Variants in ACAD11 observed in about 807,000 individuals in gnomAD.
ACAD11 encodes acyl-CoA dehydrogenase family member 11.
In ACAD11, 83 loss-of-function variants were observed where a neutral mutation model predicts 102.2. The ratio of observed to expected loss-of-function variants is 0.81; its 90% CI spans 0.68 to 0.97. The LOEUF is 0.97. Among genes scored for constraint, ACAD11 ranks in the 50% least tolerant of loss-of-function variants. ACAD11 has a pLI of 0.00. For missense variants in ACAD11, 901 were observed against 951.7 expected, an observed-to-expected ratio of 0.95 and a Z score of 0.70; for synonymous variants, 324 against 319.8, an observed-to-expected ratio of 1.01 and a Z score of -0.14.
chr3:132,602,559 T>A (rs535880535), intron 13 of ACAD11, among the ~76,000 whole-genome samples: 19 of 152,300 alleles, frequency 1.2e-4, no homozygotes, highest in East Asian at 3.9e-4. Flanking sequence ...TTATCTTTTT[T>A]AAAAAAATTT....
chr3:132,635,899 C>T (rs1221549096), intron 5 of ACAD11, among the ~76,000 whole-genome samples: 3 of 152,006 alleles, frequency 2.0e-5, no homozygotes, highest in Admixed American at 2.0e-4. Flanking sequence ...ACTATACTAG[C>T]TAGATTTGTG....
intron 11 of ACAD11, among the ~76,000 whole-genome samples, chr3:132,610,283 T>TA (rs1939074302): frequency 6.6e-6 from 1 of 152,004 alleles, no homozygotes; most frequent in Non-Finnish European, 1.5e-5. Context: ...AGGAAAGATC[T>TA]AAAATTGACA....
At chr3:132,631,224 G>C (rs1481242282) in intron 6 of ACAD11, 117 bp downstream of exon 6, 2 of 509,914 alleles carry the variant, frequency 3.9e-6, no homozygotes, top group Non-Finnish European at 6.3e-6. Flanking sequence ...TAATAAAATA[G>C]AAATGTTTAA....
chr3:132,605,469 G>A (rs1205332865), intron 11 of ACAD11, among the ~76,000 whole-genome samples: 1 of 152,166 alleles, frequency 6.6e-6, no homozygotes, highest in East Asian at 1.9e-4. Flanking sequence ...TGGCACTAAT[G>A]ACATCTAACT....
chr3:132,584,333 T>G (rs564933564), intron 13 of ACAD11, among the ~76,000 whole-genome samples: 2 of 152,350 alleles, frequency 1.3e-5, no homozygotes, highest in East Asian at 3.9e-4. Context: ...TTGTCTCTTT[T>G]GATCTTTGTT....
intron 11 of ACAD11, among the ~76,000 whole-genome samples, chr3:132,611,581 C>CA (rs1231052018): frequency 6.6e-6 from 1 of 151,764 alleles, no homozygotes; most frequent in African/African-American, 2.4e-5. Flanking sequence ...ACACCAATAA[C>CA]AGAGAAACAG....
intron 13 of ACAD11, among the ~76,000 whole-genome samples, chr3:132,580,403 A>C (rs904718937): frequency 1.3e-5 from 2 of 152,068 alleles, no homozygotes; most frequent in African/African-American, 4.8e-5. Flanking sequence ...GAAATCTATA[A>C]GACAACTAAT....
At chr3:132,580,328 G>T (rs775345078) in intron 13 of ACAD11, among the ~76,000 whole-genome samples, 1 of 151,976 alleles carries the variant, frequency 6.6e-6, no homozygotes, top group Non-Finnish European at 1.5e-5. Flanking sequence ...GAGTTAAAAG[G>T]ATAAACTCCA....
intron 1 of ACAD11, among the ~76,000 whole-genome samples, chr3:132,655,229 C>T (rs1200716300): frequency 6.6e-6 from 1 of 152,238 alleles, no homozygotes; most frequent in Non-Finnish European, 1.5e-5. Flanking sequence ...TGCTGGAACA[C>T]TGTAATACAT....
intron 9 of ACAD11, among the ~76,000 whole-genome samples, chr3:132,625,894 C>T (rs1435681254): frequency 6.6e-6 from 1 of 152,146 alleles, no homozygotes; most frequent in East Asian, 1.9e-4. Flanking sequence ...TGAGGCCACG[C>T]AAGACCATCT....
rs570650717 is a variant in ACAD11, at chr3:132,571,760, G to T, written c.2001+4012C>A. Among the ~76,000 whole-genome samples, 4 of 152,176 alleles carry T rather than the reference G, an allele frequency of 2.6e-5. No individual in the cohort carries two copies. In the South Asian group the frequency reaches 6.2e-4, roughly 24 times the overall value. ...GGGATGTAAGGTTGGTTCAACATTTGCAAATCAATAAATCTGATTCATCAC... is the reference window on the plus strand; with the variant it reads ...GGGATGTAAGGTTGGTTCAACATTTTCAAATCAATAAATCTGATTCATCAC... On this transcript the variant is annotated intron_variant, in intron 17 of 19. Transcript: ENST00000264990.
intron 13 of ACAD11, among the ~76,000 whole-genome samples, chr3:132,583,097 A>G (rs548560479): frequency 9.9e-5 from 15 of 152,088 alleles, no homozygotes; most frequent in East Asian, 3.9e-4. Context: ...CTCTTTTTCT[A>G]TTGATTGGAA....
intron 11 of ACAD11, among the ~76,000 whole-genome samples, chr3:132,612,529 GA>G (rs901982009): frequency 6.6e-6 from 1 of 151,732 alleles, no homozygotes; most frequent in Non-Finnish European, 1.5e-5. Context: ...AAATTTACAA[GA>G]AAAAAACAAA....
chr3:132,645,036 G>C, intron 1 of ACAD11, 140 bp from the exon 2 acceptor site: 1 of 552,800 alleles, frequency 1.8e-6, no homozygotes, highest in Non-Finnish European at 3.2e-6. Context: ...GCTATCAGCA[G>C]CTCACAACAT....
intron 2 of ACAD11, 66 bp downstream of exon 2, chr3:132,644,731 G>T: frequency 4.6e-6 from 4 of 875,972 alleles, no homozygotes; most frequent in South Asian, 2.4e-5. Flanking sequence ...AAGTAAATTG[G>T]CTTTGTGTGT....
At chr3:132,640,954 T>G (rs1433417031) in intron 4 of ACAD11, among the ~76,000 whole-genome samples, 1 of 152,122 alleles carries the variant, frequency 6.6e-6, no homozygotes, top group Non-Finnish European at 1.5e-5. Flanking sequence ...TATCTTTCCT[T>G]AAATACTCAT....
At chr3:132,588,906 G>C (rs1255037186) in intron 13 of ACAD11, among the ~76,000 whole-genome samples, 7 of 152,154 alleles carry the variant, frequency 4.6e-5, no homozygotes, top group Non-Finnish European at 7.4e-5. Flanking sequence ...TAAAGAAACT[G>C]CTATGGTCTG....
intron 13 of ACAD11, among the ~76,000 whole-genome samples, chr3:132,591,243 A>G (rs552029629): frequency 1.1e-4 from 17 of 152,300 alleles, no homozygotes; most frequent in African/African-American, 3.9e-4. Context: ...TTATCCCAGC[A>G]CTATCTATAG....
Position 132,631,403 on chromosome 3 carries a change from AG to A in ACAD11, c.778del (p.Leu260CysfsTer11). 2 of 1,568,888 alleles carry A rather than the reference AG, an allele frequency of 1.3e-6. No individual in the cohort carries two copies. The highest frequency in any genetic ancestry group is 1.7e-6 in the Non-Finnish European group (2 of 1,155,196). ...AACTGTCCTTGGCCAAAAGTAGAAC[AG>A]GGAAAAATGAGCTAAGTCTGACAAA... ...HPLSDLAHFS[L>X]FYFWPRTVPM... On this transcript the variant is annotated frameshift_variant, in exon 6 of 20. Coordinates refer to ENST00000264990, the MANE Select transcript of ACAD11 (RefSeq NM_032169.5). LOFTEE classifies it high-confidence loss of function.
Sources: gnomAD v4.1 joint callset for allele counts (sites outside exome capture counted in the v4.1 genomes callset) on GRCh38, gnomAD v4.1.1 for gene constraint, MANE v1.5 for transcripts, NCBI Gene and HGNC (gene_info 2026-07-23, HGNC 2026-07-21) for gene names.